BET1: variants seen among roughly 807,000 people sequenced by gnomAD.
BET1 encodes Bet1 golgi vesicular membrane trafficking protein, also known as BET1 homolog.
BET1 carries 9 observed loss-of-function variants against 13.9 expected under a neutral mutation model. That is an observed-to-expected ratio of 0.65 (90% CI 0.39 to 1.13). The LOEUF is 1.13. Ranked by LOEUF, BET1 falls within the 50% of genes most tolerant of loss-of-function variation. The probability of loss-of-function intolerance (pLI) is 0.01; values close to 1 mark genes in which losing one functional copy is unlikely to be tolerated. For synonymous variants in BET1, 39 were observed against 47.3 expected, an observed-to-expected ratio of 0.82 and a Z score of 0.72; for missense variants, 127 against 133.6, an observed-to-expected ratio of 0.95 and a Z score of 0.24.
chr7:93,990,139 A>T (rs1015563920), downstream of BET1, among the ~76,000 whole-genome samples: 18 of 151,938 alleles, frequency 1.2e-4, no homozygotes, highest in Non-Finnish European at 2.5e-4. Context: ...ATATTAAAAG[A>T]TCTTTGAAGA....
At chr7:93,989,813 A>G (rs1795596800), downstream of BET1, among the ~76,000 whole-genome samples, 1 of 152,198 alleles carries the variant, frequency 6.6e-6, no homozygotes, top group Non-Finnish European at 1.5e-5. Flanking sequence ...ATCTAAAACT[A>G]TTTTAGAAAT....
At chr7:94,003,313 C>T (rs912917083) in intron 1 of BET1, among the ~76,000 whole-genome samples, 3 of 151,588 alleles carry the variant, frequency 2.0e-5, no homozygotes, top group Admixed American at 6.6e-5. Flanking sequence ...TTATTGGCAA[C>T]TTTCACTGAC....
intron 2 of BET1, 80 bp downstream of exon 2, chr7:93,999,090 T>G (rs1399183031): frequency 9.2e-7 from 1 of 1,092,060 alleles, no homozygotes; most frequent in Non-Finnish European, 1.2e-6. Context: ...TAGGATGACG[T>G]CAATAAGAAT....
chr7:93,981,771 T>G (rs1795434713), intron 4 of BET1, among the ~76,000 whole-genome samples: 1 of 152,182 alleles, frequency 6.6e-6, no homozygotes, highest in Non-Finnish European at 1.5e-5. Context: ...ACTGGAGAAG[T>G]AACACCTTCT....
chr7:93,976,437 C>A (rs1795338135), intron 4 of BET1, among the ~76,000 whole-genome samples: 1 of 152,034 alleles, frequency 6.6e-6, no homozygotes, highest in Non-Finnish European at 1.5e-5. Context: ...TACATGTACT[C>A]ACTTAAAATG....
intron 4 of BET1, among the ~76,000 whole-genome samples, chr7:93,982,429 T>A: frequency 6.6e-6 from 1 of 152,212 alleles, no homozygotes; most frequent in East Asian, 1.9e-4. Context: ...CTGGTTCAGC[T>A]GCCCCTTACT....
At chr7:93,986,893 C>T (rs1026720339) in intron 4 of BET1, among the ~76,000 whole-genome samples, 17 of 152,214 alleles carry the variant, frequency 1.1e-4, no homozygotes, top group African/African-American at 4.1e-4. Context: ...CACTGTGTTA[C>T]AATTGCCTAC....
At chr7:93,983,986 C>CT (rs1795477620) in intron 4 of BET1, among the ~76,000 whole-genome samples, 1 of 152,116 alleles carries the variant, frequency 6.6e-6, no homozygotes, top group South Asian at 2.1e-4. Context: ...CCTAGGGACT[C>CT]TAACAAATTG....
chr7:93,985,185 C>T (rs1795502922), intron 4 of BET1, among the ~76,000 whole-genome samples: 1 of 152,122 alleles, frequency 6.6e-6, no homozygotes, highest in Non-Finnish European at 1.5e-5. Flanking sequence ...GTTGCTGGTC[C>T]TCTTTCAACT....
chr7:93,975,129 A>G (rs1283731113), intron 5 of BET1, among the ~76,000 whole-genome samples: 1 of 152,052 alleles, frequency 6.6e-6, no homozygotes, highest in Non-Finnish European at 1.5e-5. Flanking sequence ...GGAAACCATA[A>G]AGACATCACA....
intron 5 of BET1, among the ~76,000 whole-genome samples, chr7:93,974,429 T>G (rs1472123194): frequency 6.6e-6 from 1 of 151,830 alleles, no homozygotes; most frequent in Non-Finnish European, 1.5e-5. Flanking sequence ...ATATACAAGA[T>G]AAGACTTTAG....
chr7:94,001,214 G>C (rs1429060100), intron 1 of BET1, among the ~76,000 whole-genome samples: 2 of 152,160 alleles, frequency 1.3e-5, no homozygotes, highest in African/African-American at 4.8e-5. Flanking sequence ...GAATAAGTTT[G>C]TTTGACTCAA....
At chr7:93,977,332 G>T (rs923984954) in intron 4 of BET1, among the ~76,000 whole-genome samples, 6 of 152,052 alleles carry the variant, frequency 3.9e-5, no homozygotes, top group Admixed American at 6.6e-5. Flanking sequence ...CATGGGGCAG[G>T]CACCTCTAGT....
chr7:93,994,128 C>A lies in BET1; in HGVS notation c.*102G>T, dbSNP rs1795704031. Reference sequence around the variant, plus strand: ...ATTCAGCAATTTTCAATGGAAAATGCCACAGTATTTGAACACTAGGAATGT... The same window carrying A: ...ATTCAGCAATTTTCAATGGAAAATGACACAGTATTTGAACACTAGGAATGT... On this transcript the variant is annotated 3_prime_UTR_variant, in exon 4 of 4. Coordinates refer to ENST00000222547, the MANE Select transcript of BET1 (RefSeq NM_005868.6). 1 of 1,469,472 alleles carries A rather than the reference C, an allele frequency of 6.8e-7. No individual in the cohort carries two copies. The highest frequency in any genetic ancestry group is 1.5e-5 in the South Asian group (1 of 67,810). 91.0% of individuals were successfully genotyped at this position (1,469,472 alleles called of 1,614,324 possible).
chr7:93,978,711 C>T (rs1252359538), intron 4 of BET1, among the ~76,000 whole-genome samples: 1 of 152,116 alleles, frequency 6.6e-6, no homozygotes, highest in African/African-American at 2.4e-5. Flanking sequence ...AATATGCAAA[C>T]TTACATCATG....
Position 94,002,749 on chromosome 7 carries a change from G to A in BET1, c.19+1449C>T, listed in dbSNP as rs74535593. 3.8e-3 allele frequency among the ~76,000 whole-genome samples: 583 copies of A among 152,200 alleles called. 3 individuals carry two copies. The highest frequency in any genetic ancestry group is 0.013 in the African/African-American group (538 of 41,514). ...GCAAAGATCTCCACAGTGTGATCCC[G>A]AATCCCCTACTTCACCCAAACTGGC... is the stretch of plus-strand genomic sequence containing the variant. On this transcript the variant is annotated intron_variant, in intron 1 of 3. Coordinates refer to ENST00000222547, the MANE Select transcript of BET1 (RefSeq NM_005868.6).
intron 6 of BET1, among the ~76,000 whole-genome samples, chr7:93,971,146 T>C (rs1018626133): frequency 4.6e-5 from 7 of 151,836 alleles, no homozygotes; most frequent in African/African-American, 1.7e-4. Flanking sequence ...AAATATATAC[T>C]GTATATACTG....
At chr7:93,992,977 G>T (rs1795668406), downstream of BET1, 5 of 985,192 alleles carry the variant, frequency 5.1e-6, no homozygotes, top group Non-Finnish European at 6.0e-6. Context: ...AATGACGAAT[G>T]AAGCCAGAAA....
chr7:93,991,934 AT>A (rs1795645858), downstream of BET1: 1 of 982,272 alleles, frequency 1.0e-6, no homozygotes, highest in Non-Finnish European at 1.2e-6. Flanking sequence ...GCATTAAAAA[AT>A]TAGGAAAACT....
Sources: allele counts gnomAD v4.1 joint callset (sites outside exome capture counted in the v4.1 genomes callset), GRCh38; gene constraint gnomAD v4.1.1; transcripts MANE v1.5; gene names NCBI Gene and HGNC (gene_info 2026-07-23, HGNC 2026-07-21).